Variants in CCDC30 observed in about 807,000 individuals in gnomAD.
The protein encoded by CCDC30 is coiled-coil domain containing 30.
A neutral mutation model predicts 100.2 loss-of-function variants in CCDC30; 70 were observed. The ratio of observed to expected loss-of-function variants is 0.70; its 90% CI spans 0.58 to 0.85. The LOEUF (loss-of-function observed/expected upper bound fraction) is 0.85. Among genes scored for constraint, CCDC30 ranks in the 40% least tolerant of loss-of-function variants. The pLI is 0.00. For missense variants in CCDC30, 652 were observed against 771.2 expected, an observed-to-expected ratio of 0.85 and a Z score of 1.83; for synonymous variants, 233 against 269.5, an observed-to-expected ratio of 0.86 and a Z score of 1.33.
At chr1:42,514,851 C>T (rs974529180) in intron 6 of CCDC30, among the ~76,000 whole-genome samples, 36 of 152,102 alleles carry the variant, frequency 2.4e-4, no homozygotes, top group African/African-American at 6.3e-4. Flanking sequence ...TGGGGTTTCA[C>T]CATGTTGGCC....
At chr1:42,589,659 C>T (rs1557878235) in intron 10 of CCDC30, 176 bp downstream of exon 14, 3 of 535,382 alleles carry the variant, frequency 5.6e-6, no homozygotes, top group Non-Finnish European at 9.7e-6. Flanking sequence ...GGAATAAGAG[C>T]TTACAAAACA....
At chr1:42,583,395 T>C (rs1646006402) in intron 9 of CCDC30, among the ~76,000 whole-genome samples, 1 of 152,206 alleles carries the variant, frequency 6.6e-6, no homozygotes, top group South Asian at 2.1e-4. Context: ...ATAAAATATA[T>C]AGGGAAATTC....
At chr1:42,609,440 T>C (rs1229631771) in intron 10 of CCDC30, among the ~76,000 whole-genome samples, 2 of 152,130 alleles carry the variant, frequency 1.3e-5, no homozygotes, top group African/African-American at 4.8e-5. Flanking sequence ...AAAAAAATCA[T>C]AATGCAGATT....
intron 11 of CCDC30, among the ~76,000 whole-genome samples, chr1:42,633,277 G>A (rs950400679): frequency 6.6e-6 from 1 of 152,158 alleles, no homozygotes; most frequent in African/African-American, 2.4e-5. Context: ...TTGTCTCTGG[G>A]CCTGATGAAT....
chr1:42,594,057 C>T (rs1646238740), intron 10 of CCDC30: 1 of 152,154 alleles, frequency 6.6e-6, no homozygotes, highest in Non-Finnish European at 1.5e-5. Context: ...ATCATGCTTC[C>T]ACTGAATATG....
At chr1:42,611,328 G>A (rs913758703) in intron 11 of CCDC30, among the ~76,000 whole-genome samples, 10 of 152,080 alleles carry the variant, frequency 6.6e-5, no homozygotes, top group Non-Finnish European at 1.5e-4. Flanking sequence ...AGCTTTGATG[G>A]TATTGAACTT....
At chr1:42,540,756 C>T (rs1644997361) in intron 6 of CCDC30, among the ~76,000 whole-genome samples, 1 of 151,940 alleles carries the variant, frequency 6.6e-6, no homozygotes, top group African/African-American at 2.4e-5. Flanking sequence ...TAAATATTTC[C>T]ATGTGGGTTT....
At chr1:42,487,434 T>C (rs1053058551) in intron 3 of CCDC30, among the ~76,000 whole-genome samples, 8 of 152,108 alleles carry the variant, frequency 5.3e-5, no homozygotes, top group South Asian at 2.1e-4. Flanking sequence ...TTCCCAGTTA[T>C]TCAACCAAAT....
chr1:42,655,353 C>T (rs1648621396), downstream of CCDC30, among the ~76,000 whole-genome samples: 1 of 151,968 alleles, frequency 6.6e-6, no homozygotes, highest in Non-Finnish European at 1.5e-5. Flanking sequence ...ACCAGCTTGG[C>T]CAACTTAGGG....
chr1:42,587,392 G>C (rs563782212), intron 9 of CCDC30, among the ~76,000 whole-genome samples: 1 of 152,260 alleles, frequency 6.6e-6, no homozygotes, highest in East Asian at 1.9e-4. Flanking sequence ...TTCTCTTTTA[G>C]TTTCAAGGCT....
rs900218572 is a variant in CCDC30 at position 42,508,403 on chromosome 1, C to T, written c.456+9487C>T. On this transcript the variant is annotated intron_variant, in intron 6 of 16. Transcript: ENST00000668663. ...GGGGTGGGGATGTTTCCAAATCTTC[C>T]GGGTAGCCAACAGCATGCTTCTCTG... 7.2e-5 allele frequency among the ~76,000 whole-genome samples: 11 copies of T among 152,222 alleles called. No homozygotes were observed. The South Asian group carries it at 8.3e-4, about 11-fold the overall frequency.
intron 6 of CCDC30, among the ~76,000 whole-genome samples, chr1:42,553,218 T>C (rs1645291133): frequency 1.3e-5 from 2 of 152,090 alleles, no homozygotes; most frequent in Non-Finnish European, 2.9e-5. Flanking sequence ...TTGTTTTTGT[T>C]TGTGCTTGTT....
chr1:42,547,869 G>T (rs1645176071), intron 6 of CCDC30, among the ~76,000 whole-genome samples: 1 of 152,114 alleles, frequency 6.6e-6, no homozygotes, highest in Non-Finnish European at 1.5e-5. Context: ...TTATCCTTAT[G>T]GTCCACATAG....
chr1:42,489,062 C>T (rs1203752913), intron 3 of CCDC30, among the ~76,000 whole-genome samples: 3 of 152,200 alleles, frequency 2.0e-5, no homozygotes, highest in Admixed American at 1.3e-4. Flanking sequence ...TCCCTCTTTC[C>T]AGAATATCCT....
chr1:42,548,033 G>A (rs946483686), intron 6 of CCDC30, among the ~76,000 whole-genome samples: 10 of 152,160 alleles, frequency 6.6e-5, no homozygotes, highest in Non-Finnish European at 1.3e-4. Context: ...AATTTTCAGG[G>A]GAGATATGGC....
intron 6 of CCDC30, among the ~76,000 whole-genome samples, chr1:42,529,923 A>G (rs890035252): frequency 6.6e-6 from 1 of 152,248 alleles, no homozygotes; most frequent in Non-Finnish European, 1.5e-5. Flanking sequence ...GCAAAATTCC[A>G]TAAATAAGCA....
intron 3 of CCDC30, among the ~76,000 whole-genome samples, chr1:42,484,722 A>G (rs1166425063): frequency 1.3e-5 from 2 of 152,160 alleles, no homozygotes; most frequent in Non-Finnish European, 2.9e-5. Context: ...TCTTTCAACA[A>G]ACTCTTTAAA....
intron 8 of CCDC30, among the ~76,000 whole-genome samples, chr1:42,579,471 T>A (rs1188167445): frequency 2.0e-5 from 3 of 150,396 alleles, no homozygotes; most frequent in Admixed American, 6.6e-5. Flanking sequence ...CCATCTCTAC[T>A]AATAATACAG....
chr1:42,561,692 A>G (rs897592584), intron 6 of CCDC30, among the ~76,000 whole-genome samples: 3 of 152,208 alleles, frequency 2.0e-5, no homozygotes, highest in Admixed American at 1.3e-4. Flanking sequence ...ATGATTTTAT[A>G]TTTAGAAAAA....
Sources: allele counts gnomAD v4.1 joint callset (sites outside exome capture counted in the v4.1 genomes callset), GRCh38; gene constraint gnomAD v4.1.1; transcripts MANE v1.5; gene names NCBI Gene and HGNC (gene_info 2026-07-23, HGNC 2026-07-21).